Variants in CSMD3 observed in about 807,000 individuals in gnomAD.
CSMD3 encodes the protein CUB and sushi domain-containing protein 3.
A neutral mutation model predicts 435.2 loss-of-function variants in CSMD3; 177 were observed. That is an observed-to-expected ratio of 0.41 (90% CI 0.36 to 0.46). The LOEUF (loss-of-function observed/expected upper bound fraction) is 0.46. Ranked by LOEUF, CSMD3 falls within the 20% of genes least tolerant of loss-of-function variation. The pLI is 0.34. For synonymous variants in CSMD3, 1,656 were observed against 1,520.5 expected, an observed-to-expected ratio of 1.09 and a Z score of -2.07; for missense variants, 4,265 against 4,504.6, an observed-to-expected ratio of 0.95 and a Z score of 1.52.
chr8:112,409,319 T>G (rs1832134041), intron 32 of CSMD3, among the ~76,000 whole-genome samples: 4 of 151,972 alleles, frequency 2.6e-5, no homozygotes. Flanking sequence ...AATCATAAAA[T>G]TGATGATTAA....
At chr8:112,400,475 A>G (rs1831227030) in intron 35 of CSMD3, among the ~76,000 whole-genome samples, 1 of 152,172 alleles carries the variant, frequency 6.6e-6, no homozygotes, top group Non-Finnish European at 1.5e-5. Context: ...TTCTTTATCT[A>G]AAGACTCCTG....
chr8:113,423,516 T>A (rs544223158), intron 1 of CSMD3, among the ~76,000 whole-genome samples: 25 of 152,034 alleles, frequency 1.6e-4, no homozygotes, highest in Non-Finnish European at 2.7e-4. Flanking sequence ...CAAAGTGAGT[T>A]GAAAGGCAGC....
chr8:112,770,461 C>A (rs2132192398), intron 13 of CSMD3, among the ~76,000 whole-genome samples: 1 of 152,126 alleles, frequency 6.6e-6, no homozygotes, highest in East Asian at 1.9e-4. Flanking sequence ...GACTTCTCAG[C>A]CTCAGAACTG....
At position 113,133,200 on chromosome 8, in the gene CSMD3, T is replaced by G. The variant is rs2091328442; in HGVS notation, c.710-34237A>C. ...ATTGATAACAAGAGTTTTTAAAAAC[T>G]TCTAAAATTCAACAACAAAAGATAA... On this transcript the variant is annotated intron_variant, in intron 4 of 70. Transcript: ENST00000297405. Among the ~76,000 whole-genome samples, 7 of 152,218 alleles carry G rather than the reference T, an allele frequency of 4.6e-5. No homozygotes were observed. In the South Asian group the frequency reaches 1.4e-3, roughly 32 times the overall value.
At chr8:112,582,132 C>A (rs1356588558) in intron 23 of CSMD3, among the ~76,000 whole-genome samples, 1 of 152,010 alleles carries the variant, frequency 6.6e-6, no homozygotes, top group African/African-American at 2.4e-5. Context: ...AGCACCATCC[C>A]ATTGATATAA....
chr8:113,153,074 G>GA (rs765475595), intron 4 of CSMD3, among the ~76,000 whole-genome samples: 3 of 69,844 alleles, frequency 4.3e-5, no homozygotes, highest in Non-Finnish European at 7.9e-5. Context: ...AAAAAAGAAA[G>GA]AAAAAGAAAG....
chr8:112,298,066 CAAAAAAAA>C (rs35232021), intron 53 of CSMD3, among the ~76,000 whole-genome samples: 4 of 93,588 alleles, frequency 4.3e-5, no homozygotes, highest in South Asian at 4.1e-4. Flanking sequence ...TGCCATTGCA[CAAAAAAAA>C]AAAAAAAAAA....
At chr8:113,222,122 T>A (rs1224757574) in intron 3 of CSMD3, among the ~76,000 whole-genome samples, 1 of 151,334 alleles carries the variant, frequency 6.6e-6, no homozygotes, top group Non-Finnish European at 1.5e-5. Context: ...TTCCTAAAGA[T>A]TTTTAAACAG....
At chr8:112,417,736 T>C (rs1177974130) in intron 32 of CSMD3, among the ~76,000 whole-genome samples, 2 of 152,152 alleles carry the variant, frequency 1.3e-5, no homozygotes, top group Admixed American at 6.5e-5. Flanking sequence ...AGCTTTCTTT[T>C]GGGGCTAAGA....
At chr8:113,320,690 G>A (rs549705003) in intron 1 of CSMD3, among the ~76,000 whole-genome samples, 47 of 152,030 alleles carry the variant, frequency 3.1e-4, no homozygotes, top group African/African-American at 1.0e-3. Flanking sequence ...GTTCTTTCTT[G>A]GAAATCTTTT....
intron 10 of CSMD3, among the ~76,000 whole-genome samples, chr8:112,910,873 G>C (rs913897549): frequency 6.6e-6 from 1 of 151,856 alleles, no homozygotes; most frequent in African/African-American, 2.4e-5. Flanking sequence ...CAGGTCACTG[G>C]TGGCCTCTTG....
chr8:112,992,673 G>T (rs2085499642), intron 6 of CSMD3, among the ~76,000 whole-genome samples: 1 of 151,832 alleles, frequency 6.6e-6, no homozygotes, highest in East Asian at 1.9e-4. Context: ...GTAGGCTATT[G>T]TAAGAAGTTT....
intron 3 of CSMD3, among the ~76,000 whole-genome samples, chr8:113,251,647 G>A (rs1372981013): frequency 6.6e-6 from 1 of 151,778 alleles, no homozygotes; most frequent in Non-Finnish European, 1.5e-5. Flanking sequence ...CTTTAATCTG[G>A]TAACCAAAAA....
intron 5 of CSMD3, among the ~76,000 whole-genome samples, chr8:113,089,698 T>C (rs917223301): frequency 3.3e-5 from 5 of 152,158 alleles, no homozygotes; most frequent in Non-Finnish European, 7.4e-5. Context: ...AGTCTTCACT[T>C]GTCTTCCTTT....
intron 4 of CSMD3, among the ~76,000 whole-genome samples, chr8:113,124,789 G>C (rs1380633229): frequency 6.6e-6 from 1 of 151,858 alleles, no homozygotes. Context: ...TGTCATATTT[G>C]CCATCTTTTA....
In CSMD3 at chr8:113,238,706, A is replaced by G. The variant is rs140426875; in HGVS notation, c.514+39886T>C. 3.9e-5 allele frequency among the ~76,000 whole-genome samples: 6 copies of G among 152,282 alleles called. No individual in the cohort carries two copies. In the East Asian group the frequency reaches 1.2e-3, roughly 29 times the overall value. ...GCTTCAATTTGCAAAACTATGCCAC[A>G]CAAACTTGCAATTCAAAAGGTTCTT... On this transcript the variant is annotated intron_variant, in intron 3 of 70. Transcript: ENST00000297405.
At chr8:112,828,222 C>T (rs1425609272) in intron 12 of CSMD3, among the ~76,000 whole-genome samples, 1 of 152,038 alleles carries the variant, frequency 6.6e-6, no homozygotes, top group Non-Finnish European at 1.5e-5. Flanking sequence ...TCAGGTGCAA[C>T]AAAAATGCTG....
intron 24 of CSMD3, among the ~76,000 whole-genome samples, chr8:112,561,738 A>G (rs1036748786): frequency 6.6e-6 from 1 of 151,710 alleles, no homozygotes; most frequent in South Asian, 2.1e-4. Context: ...TTTTTATTAC[A>G]TATCTATACA....
chr8:113,324,641 G>C (rs1459154721), intron 1 of CSMD3, among the ~76,000 whole-genome samples: 6 of 152,172 alleles, frequency 3.9e-5, no homozygotes, highest in Non-Finnish European at 7.3e-5. Flanking sequence ...GGGTAGTGCG[G>C]ATAAGAAATG....
Sources: allele counts gnomAD v4.1 joint callset (sites outside exome capture counted in the v4.1 genomes callset), GRCh38; gene constraint gnomAD v4.1.1; transcripts MANE v1.5; gene names NCBI Gene and HGNC (gene_info 2026-07-23, HGNC 2026-07-21).